ROBO1: variants seen among roughly 807,000 people sequenced by gnomAD.
ROBO1 encodes roundabout homolog 1.
ROBO1 carries 149 observed loss-of-function variants against 195.9 expected under a neutral mutation model. That is an observed-to-expected ratio of 0.76 (90% CI 0.67 to 0.87). The LOEUF (loss-of-function observed/expected upper bound fraction) is 0.87. Ranked by LOEUF, ROBO1 falls within the 40% of genes least tolerant of loss-of-function variation. The probability of loss-of-function intolerance (pLI) is 0.00; values close to 1 mark genes in which losing one functional copy is unlikely to be tolerated. For synonymous variants in ROBO1, 816 were observed against 733.2 expected (o/e 1.11, Z -1.82); for missense variants, 1,933 against 2,068.3 (o/e 0.93, Z 1.27).
chr3:78,780,784 CTCCCT>C (rs1367358925), intron 4 of ROBO1, among the ~76,000 whole-genome samples: 3 of 152,096 alleles, frequency 2.0e-5, no homozygotes, highest in Non-Finnish European at 4.4e-5. Flanking sequence ...GCTGCTTCTC[CTCCCT>C]TATCTCCAGC....
chr3:79,006,989 A>G (rs2077639239), intron 3 of ROBO1, among the ~76,000 whole-genome samples: 1 of 152,156 alleles, frequency 6.6e-6, no homozygotes, highest in Non-Finnish European at 1.5e-5. Context: ...AGTTATTTAC[A>G]TTTTTAAATA....
At chr3:78,874,097 T>G (rs1486003989) in intron 4 of ROBO1, among the ~76,000 whole-genome samples, 17 of 151,992 alleles carry the variant, frequency 1.1e-4, no homozygotes, top group Non-Finnish European at 2.5e-4. Flanking sequence ...TTTTCCATCT[T>G]GCATTTTCAA....
At chr3:79,320,140 C>T (rs113315782) in intron 2 of ROBO1, among the ~76,000 whole-genome samples, 67 of 152,224 alleles carry the variant, frequency 4.4e-4, no homozygotes, top group African/African-American at 1.3e-3. Context: ...GTGGGAAATC[C>T]AAGGTCATGG....
At chr3:79,679,558 A>G (rs890532227) in intron 1 of ROBO1, among the ~76,000 whole-genome samples, 4 of 152,040 alleles carry the variant, frequency 2.6e-5, no homozygotes, top group African/African-American at 7.2e-5. Context: ...AAATGTTCAA[A>G]TGTAATGTTT....
chr3:79,650,534 TTAGA>T (rs1245998627), intron 1 of ROBO1, among the ~76,000 whole-genome samples: 2 of 151,756 alleles, frequency 1.3e-5, no homozygotes, highest in African/African-American at 4.8e-5. Flanking sequence ...TGTAAAATTC[TTAGA>T]TATTTTTCCA....
chr3:79,139,682 G>T (rs2080482993), intron 2 of ROBO1, among the ~76,000 whole-genome samples: 1 of 152,112 alleles, frequency 6.6e-6, no homozygotes, highest in Admixed American at 6.6e-5. Context: ...GAGATTTGCT[G>T]CCTTGAACTT....
At chr3:78,751,489 G>A (rs921482721) in intron 4 of ROBO1, among the ~76,000 whole-genome samples, 5 of 152,060 alleles carry the variant, frequency 3.3e-5, no homozygotes, top group Admixed American at 3.3e-4. Flanking sequence ...CAGTGGCCAA[G>A]CTAGAATATA....
chr3:79,744,069 A>C (rs1035390735), intron 1 of ROBO1, among the ~76,000 whole-genome samples: 1 of 152,232 alleles, frequency 6.6e-6, no homozygotes, highest in Non-Finnish European at 1.5e-5. Flanking sequence ...TGTACCATAC[A>C]TATTTGCATG....
intron 8 of ROBO1, among the ~76,000 whole-genome samples, chr3:78,711,360 TTC>T (rs2081706425): frequency 2.6e-5 from 1 of 38,084 alleles, no homozygotes; most frequent in Non-Finnish European, 4.4e-5. Context: ...CCTTCCTTCC[TTC>T]CTTCCTTCCT....
chr3:79,433,577 C>A (rs2038765033), intron 2 of ROBO1, among the ~76,000 whole-genome samples: 1 of 151,950 alleles, frequency 6.6e-6, no homozygotes, highest in African/African-American at 2.4e-5. Context: ...AAACAAGGTT[C>A]CATGTTCATG....
chr3:79,179,666 T>A (rs2081309051), intron 2 of ROBO1, among the ~76,000 whole-genome samples: 1 of 152,198 alleles, frequency 6.6e-6, no homozygotes, highest in Non-Finnish European at 1.5e-5. Flanking sequence ...AAAATTATAA[T>A]CATGAAAGCT....
intron 2 of ROBO1, among the ~76,000 whole-genome samples, chr3:79,531,540 T>TGGTTGAGCCTGGGA (rs1451208006): frequency 1.3e-5 from 2 of 152,158 alleles, no homozygotes; most frequent in Non-Finnish European, 2.9e-5. Context: ...TGAAAAAAAT[T>TGGTTGAGCCTGGGA]GGTTGAGCCT....
intron 2 of ROBO1, among the ~76,000 whole-genome samples, chr3:79,218,480 T>A (rs930188811): frequency 6.6e-5 from 10 of 151,918 alleles, no homozygotes; most frequent in Non-Finnish European, 1.3e-4. Context: ...TTGGATAGAG[T>A]CCAAAATGCA....
intron 2 of ROBO1, among the ~76,000 whole-genome samples, chr3:79,150,791 C>A (rs2080752080): frequency 6.6e-6 from 1 of 151,770 alleles, no homozygotes; most frequent in Admixed American, 6.6e-5. Flanking sequence ...AAAAGGATAT[C>A]TTGACTTCCA....
Position 78,673,087 on chromosome 3 carries a change from A to AAT in ROBO1, c.1343-2788_1343-2787dup, listed in dbSNP as rs534314231. Among the ~76,000 whole-genome samples, 114 of 152,266 alleles carry AAT rather than the reference A, an allele frequency of 7.5e-4. 1 individual carries two copies. The highest frequency in any genetic ancestry group is 2.6e-3 in the African/African-American group (110 of 41,552). ...TTTAAGTAATTTAAATTCAAATTTAAATAGCCCCATATGGTAAGTAGCTAC... is the reference window on the plus strand; with the variant it reads ...TTTAAGTAATTTAAATTCAAATTTAAATATAGCCCCATATGGTAAGTAGCTAC... On this transcript the variant is annotated intron_variant, in intron 10 of 30. Coordinates refer to ENST00000464233, the MANE Select transcript of ROBO1 (RefSeq NM_002941.4).
intron 26 of ROBO1, among the ~76,000 whole-genome samples, chr3:78,625,728 A>T (rs1165824822): frequency 2.0e-5 from 3 of 152,246 alleles, no homozygotes; most frequent in Non-Finnish European, 4.4e-5. Flanking sequence ...AAGCATAAGT[A>T]TGATACAAAC....
intron 14 of ROBO1, among the ~76,000 whole-genome samples, chr3:78,665,812 G>A (rs756628671): frequency 2.6e-5 from 4 of 151,952 alleles, no homozygotes; most frequent in Admixed American, 6.6e-5. Context: ...GGATTGAGGA[G>A]CTGAAATTTA....
intron 5 of ROBO1, among the ~76,000 whole-genome samples, chr3:78,726,155 G>A (rs2108148505): frequency 6.6e-6 from 1 of 152,188 alleles, no homozygotes; most frequent in African/African-American, 2.4e-5. Context: ...CCACCAAACT[G>A]TCATAGAATT....
chr3:79,163,823 T>C (rs1282561920), intron 2 of ROBO1, among the ~76,000 whole-genome samples: 1 of 152,168 alleles, frequency 6.6e-6, no homozygotes, highest in African/African-American at 2.4e-5. Flanking sequence ...CTTATTTGTG[T>C]ACTTTAGACA....
Sources: gnomAD v4.1 joint callset for allele counts (sites outside exome capture counted in the v4.1 genomes callset) on GRCh38, gnomAD v4.1.1 for gene constraint, MANE v1.5 for transcripts, NCBI Gene and HGNC (gene_info 2026-07-23, HGNC 2026-07-21) for gene names.